Variants in FCHSD2 observed in about 807,000 individuals in gnomAD.
FCHSD2 encodes F-BAR and double SH3 domains protein 2.
Under a neutral mutation model 108.1 loss-of-function variants are expected in FCHSD2, and 38 were observed. The ratio of observed to expected loss-of-function variants is 0.35; its 90% CI spans 0.27 to 0.46. The LOEUF (loss-of-function observed/expected upper bound fraction) is 0.46. Ranked by LOEUF, FCHSD2 falls within the 20% of genes least tolerant of loss-of-function variation. The pLI is 1.00. For synonymous variants in FCHSD2, 279 were observed against 314.7 expected (o/e 0.89, Z 1.20); for missense variants, 751 against 897.8 (o/e 0.84, Z 2.09).
At chr11:72,898,099 T>G (rs1453779982) in intron 10 of FCHSD2, among the ~76,000 whole-genome samples, 1 of 152,220 alleles carries the variant, frequency 6.6e-6, no homozygotes, top group African/African-American at 2.4e-5. Context: ...TGTAGTCATC[T>G]TTTGGTTAAT....
At chr11:73,110,237 A>G (rs1860450753) in intron 2 of FCHSD2, among the ~76,000 whole-genome samples, 1 of 150,936 alleles carries the variant, frequency 6.6e-6, no homozygotes, top group South Asian at 2.1e-4. Context: ...CTCCTCCTCT[A>G]TTTTTCAGAA....
intron 8 of FCHSD2, chr11:72,940,535 A>G (rs1856394314): frequency 1.6e-5 from 15 of 962,800 alleles, no homozygotes; most frequent in Non-Finnish European, 2.3e-5. Context: ...CTATGGAGAA[A>G]GAAGTAGTCT....
At chr11:73,037,968 T>C (rs1591503023) in intron 3 of FCHSD2, among the ~76,000 whole-genome samples, 1 of 152,238 alleles carries the variant, frequency 6.6e-6, no homozygotes, top group South Asian at 2.1e-4. Flanking sequence ...ATATGAAATA[T>C]GTGAAACATA....
chr11:72,864,156 A>C (rs1854663500), intron 13 of FCHSD2, among the ~76,000 whole-genome samples: 1 of 152,232 alleles, frequency 6.6e-6, no homozygotes, highest in Non-Finnish European at 1.5e-5. Flanking sequence ...TTAGTTGGGG[A>C]AAGTGGCTGA....
At chr11:73,100,916 TTCTG>T (rs1347167482) in intron 2 of FCHSD2, among the ~76,000 whole-genome samples, 2 of 152,042 alleles carry the variant, frequency 1.3e-5, no homozygotes, top group Non-Finnish European at 2.9e-5. Context: ...GAAATTTGGC[TTCTG>T]TCTGACAACC....
At position 72,884,296 on chromosome 11, in the gene FCHSD2, G is replaced by C. The variant is rs1392035828; in HGVS notation, c.1146+3174C>G. On this transcript the variant is annotated intron_variant, in intron 12 of 19. Transcript: ENST00000409418. ...AAAGCCAGTATTGCAAAATATAATA[G>C]TTGAATCTAGATGTTAGGAAATACA... is the stretch of plus-strand genomic sequence containing the variant. Among the ~76,000 whole-genome samples, 3 of 151,872 alleles carry C rather than the reference G, an allele frequency of 2.0e-5. No homozygotes were observed. In the East Asian group the frequency reaches 5.8e-4, roughly 29 times the overall value.
chr11:73,073,955 A>G (rs1213827242), intron 3 of FCHSD2, among the ~76,000 whole-genome samples: 1 of 152,208 alleles, frequency 6.6e-6, no homozygotes, highest in African/African-American at 2.4e-5. Flanking sequence ...CAGGCAGCAT[A>G]TGGGAGAAAT....
chr11:73,045,001 C>T (rs1467286507), intron 3 of FCHSD2, among the ~76,000 whole-genome samples: 2 of 149,258 alleles, frequency 1.3e-5, no homozygotes, highest in African/African-American at 2.5e-5. Flanking sequence ...ACCTGGGAGG[C>T]GGAGGTTGCA....
intron 8 of FCHSD2, among the ~76,000 whole-genome samples, chr11:72,927,888 G>C (rs572850276): frequency 6.6e-6 from 1 of 152,354 alleles, no homozygotes; most frequent in African/African-American, 2.4e-5. Context: ...TACTTTAGAT[G>C]CAAGACAGGA....
At chr11:72,911,163 T>G (rs1855757400) in intron 9 of FCHSD2, among the ~76,000 whole-genome samples, 1 of 152,240 alleles carries the variant, frequency 6.6e-6, no homozygotes, top group African/African-American at 2.4e-5. Context: ...ATTTGATTTT[T>G]GTATATGGCA....
At chr11:72,953,711 T>C (rs1031588892) in intron 8 of FCHSD2, among the ~76,000 whole-genome samples, 2 of 151,254 alleles carry the variant, frequency 1.3e-5, no homozygotes, top group African/African-American at 4.9e-5. Context: ...AGAAAAGAAA[T>C]AGAGAATGAA....
At chr11:72,930,180 T>G (rs1414666702) in intron 8 of FCHSD2, among the ~76,000 whole-genome samples, 1 of 152,158 alleles carries the variant, frequency 6.6e-6, no homozygotes, top group Non-Finnish European at 1.5e-5. Context: ...GCTCCATGAA[T>G]GTAATTCTCT....
intron 8 of FCHSD2, chr11:72,940,619 G>A (rs962410873): frequency 7.6e-6 from 11 of 1,442,566 alleles, no homozygotes; most frequent in African/African-American, 5.5e-5. Flanking sequence ...AGGGCTCCCC[G>A]CCCCACCCAG....
chr11:72,966,137 T>G (rs1306762327), intron 8 of FCHSD2, among the ~76,000 whole-genome samples: 1 of 152,030 alleles, frequency 6.6e-6, no homozygotes, highest in East Asian at 1.9e-4. Context: ...AAGGAAGATG[T>G]TCACTTTATT....
chr11:73,066,664 A>G (rs535431281), intron 3 of FCHSD2, among the ~76,000 whole-genome samples: 10 of 152,194 alleles, frequency 6.6e-5, no homozygotes, highest in Non-Finnish European at 1.5e-4. Flanking sequence ...ACCATCAAAA[A>G]GTAGGCAAAG....
At chr11:73,036,908 T>C (rs1279868693) in intron 3 of FCHSD2, among the ~76,000 whole-genome samples, 2 of 152,198 alleles carry the variant, frequency 1.3e-5, no homozygotes, top group East Asian at 3.8e-4. Context: ...TTCCCTACCA[T>C]CAAAATCCAT....
intron 8 of FCHSD2, among the ~76,000 whole-genome samples, chr11:72,971,487 G>C (rs1250736049): frequency 6.6e-6 from 1 of 152,138 alleles, no homozygotes; most frequent in African/African-American, 2.4e-5. Context: ...GTTTTCTCTA[G>C]CTAGTAGCAA....
intron 2 of FCHSD2, among the ~76,000 whole-genome samples, chr11:73,128,420 T>C (rs1014403914): frequency 2.0e-5 from 3 of 152,124 alleles, no homozygotes; most frequent in African/African-American, 4.8e-5. Flanking sequence ...AGGACCTACC[T>C]CCAAGAAGAT....
At chr11:73,030,737 T>C (rs1290811834) in intron 3 of FCHSD2, among the ~76,000 whole-genome samples, 2 of 152,222 alleles carry the variant, frequency 1.3e-5, no homozygotes, top group African/African-American at 4.8e-5. Flanking sequence ...AATTTTGCTA[T>C]ACATATTGAT....
Sources: gnomAD v4.1 joint callset for allele counts (sites outside exome capture counted in the v4.1 genomes callset) on GRCh38, gnomAD v4.1.1 for gene constraint, MANE v1.5 for transcripts, NCBI Gene and HGNC (gene_info 2026-07-23, HGNC 2026-07-21) for gene names.